EFL1: variants seen among roughly 807,000 people sequenced by gnomAD.
EFL1 encodes elongation factor like GTPase 1.
In EFL1, 76 loss-of-function variants were observed where a neutral mutation model predicts 126.7. The observed-to-expected ratio is 0.60, with a 90% CI of 0.50 to 0.73. The LOEUF (loss-of-function observed/expected upper bound fraction) is 0.73, where lower values mean the gene tolerates loss of function less well. Among genes scored for constraint, EFL1 ranks in the 30% least tolerant of loss-of-function variants. The pLI is 0.00. For missense variants in EFL1, 1,128 were observed against 1,343.2 expected, an observed-to-expected ratio of 0.84 and a Z score of 2.50; for synonymous variants, 410 against 448.4, an observed-to-expected ratio of 0.91 and a Z score of 1.08.
chr15:82,249,070 GTGA>G (rs1393241771), intron 4 of EFL1, among the ~76,000 whole-genome samples: 1 of 151,938 alleles, frequency 6.6e-6, no homozygotes, highest in Non-Finnish European at 1.5e-5. Context: ...AAAATAACTG[GTGA>G]TGAACTGAGA....
intron 11 of EFL1, among the ~76,000 whole-genome samples, chr15:82,226,835 G>A (rs1351550725): frequency 3.3e-5 from 5 of 152,210 alleles, no homozygotes; most frequent in Admixed American, 1.3e-4. Context: ...TAAAAAGCCA[G>A]GGAGATGGGG....
At chr15:82,232,252 C>A (rs1195738275) in intron 7 of EFL1, among the ~76,000 whole-genome samples, 1 of 152,186 alleles carries the variant, frequency 6.6e-6, no homozygotes, top group Non-Finnish European at 1.5e-5. Flanking sequence ...TGAAGCTTTG[C>A]TCTCCATATT....
intron 4 of EFL1, among the ~76,000 whole-genome samples, chr15:82,250,472 G>A (rs1243924475): frequency 7.4e-6 from 1 of 135,692 alleles, no homozygotes; most frequent in Non-Finnish European, 1.6e-5. Context: ...AAGCAGAGCC[G>A]CATCCTGCTC....
chr15:82,253,043 C>A lies in EFL1; in HGVS notation c.160-268G>T, dbSNP rs4420492. Among the ~76,000 whole-genome samples the A allele has an allele frequency of 3.3e-3, 489 of 150,218 alleles. 3 individuals carry two copies. Among genetic ancestry groups the A allele is most frequent in the East Asian group, 0.015 (76 of 5,116 alleles). ...TACTTAAATTTTAACCTATATAGAG[C>A]CTTTTTTTTTTTTGAGACAGAGTCT... On this transcript the variant is annotated intron_variant, in intron 3 of 19. Coordinates refer to ENST00000268206, the MANE Select transcript of EFL1 (RefSeq NM_024580.6).
At chr15:82,141,844 G>A (rs549095791) in intron 18 of EFL1, among the ~76,000 whole-genome samples, 1 of 152,292 alleles carries the variant, frequency 6.6e-6, no homozygotes, top group South Asian at 2.1e-4. Context: ...CTGCTGCATG[G>A]GTCATGCCAG....
At chr15:82,135,799 A>C (rs371261118) in intron 19 of EFL1, among the ~76,000 whole-genome samples, 2 of 152,130 alleles carry the variant, frequency 1.3e-5, no homozygotes, top group Non-Finnish European at 2.9e-5. Context: ...GGGAAGGAGT[A>C]TATCTTATTC....
intron 6 of EFL1, 38 bp from the exon 7 acceptor site, chr15:82,238,559 T>C (rs551517236): frequency 1.4e-6 from 2 of 1,472,118 alleles, no homozygotes; most frequent in Admixed American, 1.8e-5. Context: ...GTCATTCAGA[T>C]GCTCAGCATG....
chr15:82,228,094 A>C lies in EFL1; in HGVS notation c.1069+97T>G. The C allele has an allele frequency of 2.1e-6, 3 of 1,426,826 alleles. 1 individual carries two copies. The South Asian group carries it at 4.4e-5, about 21-fold the overall frequency. The allele number at this position is 1,426,826 out of a possible 1,614,324, so 88.4% of individuals were successfully genotyped here. A position where few individuals can be genotyped will look rare whatever the true frequency, so the allele number is the denominator to read the frequency against. ...AGCAGAGAAGACTTATTTTGGATTG[A>C]ATGTTATTTCCAGAGAATTTCTTGG... On this transcript the variant is annotated intron_variant, in intron 10 of 19. Coordinates refer to ENST00000268206, the MANE Select transcript of EFL1 (RefSeq NM_024580.6).
intron 15 of EFL1, among the ~76,000 whole-genome samples, chr15:82,213,035 GA>G (rs558654445): frequency 3.7e-4 from 56 of 152,324 alleles, no homozygotes; most frequent in African/African-American, 1.2e-3. Context: ...GAAGAGTCAT[GA>G]CACCAGCCCT....
chr15:82,236,499 TCAGAAA>T (rs1397306475), intron 7 of EFL1, among the ~76,000 whole-genome samples: 1 of 152,072 alleles, frequency 6.6e-6, no homozygotes, highest in Non-Finnish European at 1.5e-5. Flanking sequence ...AACAAAACAC[TCAGAAA>T]CAGACCCACA....
intron 12 of EFL1, among the ~76,000 whole-genome samples, chr15:82,223,971 A>C (rs1309010926): frequency 6.6e-6 from 1 of 152,254 alleles, no homozygotes; most frequent in Non-Finnish European, 1.5e-5. Flanking sequence ...CTAGGGAAGT[A>C]CTAAAAAACA....
intron 5 of EFL1, among the ~76,000 whole-genome samples, chr15:82,240,809 G>A (rs1207110256): frequency 3.3e-5 from 5 of 152,162 alleles, no homozygotes; most frequent in Admixed American, 3.3e-4. Flanking sequence ...CAGCACTCTG[G>A]GAGGCTGAGG....
chr15:82,254,167 T>A (rs181230396), intron 3 of EFL1, among the ~76,000 whole-genome samples: 1 of 152,340 alleles, frequency 6.6e-6, no homozygotes, highest in East Asian at 1.9e-4. Context: ...TCAATCCTCA[T>A]TTTTCTTGAT....
intron 15 of EFL1, among the ~76,000 whole-genome samples, chr15:82,180,224 G>A (rs1432563926): frequency 6.6e-6 from 1 of 151,918 alleles, no homozygotes; most frequent in Non-Finnish European, 1.5e-5. Flanking sequence ...TGGCCTTACT[G>A]TCTCTCTACT....
At position 82,254,920 on chromosome 15, in the gene EFL1, A is replaced by G. The variant is rs140341053; in HGVS notation, c.160-2145T>C. ...TCAGTACTGATGTACTTCAAGGTCTAGAGAATGAGATGTAGACCTTCAACT... is the reference window on the plus strand; with the variant it reads ...TCAGTACTGATGTACTTCAAGGTCTGGAGAATGAGATGTAGACCTTCAACT... On this transcript the variant is annotated intron_variant, in intron 3 of 19. Transcript: ENST00000268206. Among the ~76,000 whole-genome samples, 526 of 152,314 alleles carry G rather than the reference A, an allele frequency of 3.5e-3. 1 individual carries two copies. The highest frequency in any genetic ancestry group is 5.7e-3 in the Non-Finnish European group (390 of 68,016).
chr15:82,186,961 G>C (rs1482582655), intron 15 of EFL1, among the ~76,000 whole-genome samples: 2 of 152,106 alleles, frequency 1.3e-5, no homozygotes, highest in Non-Finnish European at 2.9e-5. Context: ...AGCCTGTAGT[G>C]ATTTTAGACT....
rs74856782 is a variant in EFL1, at chr15:82,202,830, G to A, written c.1750+11887C>T. Among the ~76,000 whole-genome samples, 264 of 97,808 alleles carry A rather than the reference G, an allele frequency of 2.7e-3. 1 individual carries two copies. The highest frequency in any genetic ancestry group is 4.0e-3 in the Non-Finnish European group (192 of 47,588). 64.2% of individuals were successfully genotyped at this position (97,808 alleles called of 152,430 possible). On this transcript the variant is annotated intron_variant, in intron 15 of 19. Coordinates refer to ENST00000268206, the MANE Select transcript of EFL1 (RefSeq NM_024580.6). ...TGTTCCCTAATTTTTTTTTTTTTTT[G>A]AGACGGAGTCTTGCTCTGTCGTCCA...
chr15:82,247,161 G>A lies in EFL1; in HGVS notation c.244+5530C>T, dbSNP rs1241511650. On this transcript the variant is annotated intron_variant, in intron 4 of 19. Coordinates refer to ENST00000268206, the MANE Select transcript of EFL1 (RefSeq NM_024580.6). ...AGAGAACATTATGAAGTCAAAGAAT[G>A]GGTACCTCATTAATCAGGTGAAAGA... 2.0e-5 allele frequency among the ~76,000 whole-genome samples: 3 copies of A among 152,040 alleles called. No individual in the cohort carries two copies. The East Asian group carries it at 5.8e-4, about 29-fold the overall frequency.
At chr15:82,132,687 G>C (rs560778390) in intron 19 of EFL1, among the ~76,000 whole-genome samples, 18,165 of 113,400 alleles carry the variant, frequency 0.16, 703 homozygotes, top group East Asian at 0.3. Context: ...GAATTGGGGG[G>C]GGGGGGGGGT....
Sources: allele counts gnomAD v4.1 joint callset (sites outside exome capture counted in the v4.1 genomes callset), GRCh38; gene constraint gnomAD v4.1.1; transcripts MANE v1.5; gene names NCBI Gene and HGNC (gene_info 2026-07-23, HGNC 2026-07-21).